The following UHMK1 variants were observed in gnomAD, a reference collection of about 807,000 sequenced individuals.
The protein encoded by UHMK1 is serine/threonine-protein kinase Kist.
In UHMK1, 18 loss-of-function variants were observed where a neutral mutation model predicts 44.0. The observed-to-expected ratio is 0.41, with a 90% CI of 0.28 to 0.61. The LOEUF is 0.61. UHMK1 is among the 20% of genes least tolerant of loss of function. The pLI is 0.31. For missense variants in UHMK1, 463 were observed against 522.5 expected (o/e 0.89, Z 1.11); for synonymous variants, 231 against 198.5 (o/e 1.16, Z -1.38).
intron 6 of UHMK1, among the ~76,000 whole-genome samples, chr1:162,514,991 C>G (rs1049176966): frequency 1.4e-4 from 21 of 152,006 alleles, no homozygotes; most frequent in African/African-American, 5.1e-4. Flanking sequence ...TAATTTTTTC[C>G]TATTATTTTA....
At chr1:162,519,997 C>G (rs357040) in intron 7 of UHMK1, among the ~76,000 whole-genome samples, 3,439 of 152,270 alleles carry the variant, frequency 0.023, 130 homozygotes, top group African/African-American at 0.077. Flanking sequence ...CTTCCAGGCT[C>G]AAGTGATCCT....
rs1366900252 is a variant in UHMK1 at position 162,501,096 on chromosome 1, G to A, written c.745G>A (p.Glu249Lys). Residue 249 changes from glutamate to lysine, a missense_variant, in exon 3 of 8, where the codon GAA becomes AAA. Physicochemically the swap from Glu to Lys is moderately conservative, Grantham distance 56 (BLOSUM62 1). Coordinates refer to ENST00000489294, the MANE Select transcript of UHMK1 (RefSeq NM_175866.5). ...ACTGAAACATACAGTCAGATCTCAG[G>A]AATGGAAGGTAAACTTCACCAGTGC... ...MKLKHTVRSQ[E>K]WKANSSAIID... 3 of 1,613,652 alleles carry A rather than the reference G, an allele frequency of 1.9e-6. No homozygotes were observed. In the Admixed American group the frequency reaches 5.0e-5, roughly 27 times the overall value.
At chr1:162,497,598 G>A (rs762852672), upstream of UHMK1, among the ~76,000 whole-genome samples, 1 of 152,120 alleles carries the variant, frequency 6.6e-6, no homozygotes, top group Non-Finnish European at 1.5e-5. Context: ...GAGGTAAGGT[G>A]AGGTGCCTCA....
intron 7 of UHMK1, among the ~76,000 whole-genome samples, chr1:162,522,128 C>T (rs948453458): frequency 3.9e-5 from 6 of 152,196 alleles, no homozygotes; most frequent in Admixed American, 2.6e-4. Flanking sequence ...ACATGATTCA[C>T]ACAACTTGTC....
At chr1:162,518,658 G>A (rs1651928894) in intron 7 of UHMK1, among the ~76,000 whole-genome samples, 1 of 150,860 alleles carries the variant, frequency 6.6e-6, no homozygotes, top group African/African-American at 2.4e-5. Context: ...CTCCAGCCTG[G>A]GCCAGGAGAA....
intron 6 of UHMK1, among the ~76,000 whole-genome samples, chr1:162,513,261 T>C (rs1000325456): frequency 6.6e-6 from 1 of 152,212 alleles, no homozygotes; most frequent in African/African-American, 2.4e-5. Flanking sequence ...TAATTCATAA[T>C]GTCCTTTTGA....
rs774473658 is a variant in UHMK1 at position 162,522,417 on chromosome 1, A to G, written c.1127A>G (p.Tyr376Cys). The change falls in exon 8 of 8, where the codon TAT becomes TGT. Residue 376 changes from tyrosine (Y) to cysteine (C), a missense_variant. Tyr to Cys is a radical substitution (Grantham distance 194). Coordinates refer to ENST00000489294, the MANE Select transcript of UHMK1 (RefSeq NM_175866.5). ...GTCTTCTTTCAGGTCTTTGTTGAGT[A>G]TGCAAATGCTGGTGATTCCAAAGCT... Reference protein sequence around the residue: ...NPGRGQVFVEYANAGDSKAAQ... With the variant: ...NPGRGQVFVECANAGDSKAAQ... The G allele has an allele frequency of 6.2e-7, 1 of 1,614,144 alleles. No individual in the cohort carries two copies. Among genetic ancestry groups the G allele is most frequent in the South Asian group, 1.1e-5 (1 of 91,062 alleles).
At position 162,498,019 on chromosome 1, in the gene UHMK1, G is replaced by C. The variant is rs773173336; in HGVS notation, c.19G>C (p.Ala7Pro). The C allele has an allele frequency of 6.3e-7, 1 of 1,593,506 alleles. No individual in the cohort carries two copies. Among genetic ancestry groups the C allele is most frequent in the Admixed American group, 1.7e-5 (1 of 58,776 alleles). ...CACACCGATGGCGGGATCCGGCTGC[G>C]CCTGGGGCGCGGAGCCGCCGCGTTT... MAGSGC[A>P]WGAEPPRFLE... The change falls in exon 1 of 8, where the codon GCC becomes CCC. Residue 7 changes from alanine (A) to proline (P), a missense_variant. Transcript: ENST00000489294.
At chr1:162,512,914 T>C (rs1051686348) in intron 6 of UHMK1, 91 bp downstream of exon 6, 2 of 1,245,650 alleles carry the variant, frequency 1.6e-6, no homozygotes, top group African/African-American at 3.0e-5. Context: ...TCTCAATTTA[T>C]CTAATGAGAA....
intron 7 of UHMK1, among the ~76,000 whole-genome samples, chr1:162,521,371 T>C (rs1253330134): frequency 6.6e-6 from 1 of 152,134 alleles, no homozygotes; most frequent in Non-Finnish European, 1.5e-5. Context: ...TGTCTACTCA[T>C]TTATCGAACT....
rs951225866 is a variant in UHMK1, at chr1:162,526,059, T to C, written c.*3509T>C. The stretch of plus-strand genomic sequence containing the variant: ...GGGCAGAAGGCTTTTTTCTGTCTTA[T>C]TACACTGGACCTTCACTCTGGTAAG... On this transcript the variant is annotated 3_prime_UTR_variant, in exon 8 of 8. Transcript: ENST00000489294. The C allele has an allele frequency of 3.3e-5, 5 of 152,176 alleles. No homozygotes were observed. The highest frequency in any genetic ancestry group is 1.2e-4 in the African/African-American group (5 of 41,450). The allele number at this position is 152,176 out of a possible 1,614,324, so 9.4% of individuals were successfully genotyped here.
Position 162,522,978 on chromosome 1 carries a change from C to T in UHMK1, c.*428C>T, listed in dbSNP as rs1432086407. The T allele has an allele frequency of 1.2e-5, 2 of 160,706 alleles. No individual in the cohort carries two copies. The highest frequency in any genetic ancestry group is 4.8e-5 in the African/African-American group (2 of 41,478). The allele number at this position is 160,706 out of a possible 1,614,324, so 10.0% of individuals were successfully genotyped here. A position where few individuals can be genotyped will look rare whatever the true frequency, so the allele number is the denominator to read the frequency against. On this transcript the variant is annotated 3_prime_UTR_variant, in exon 8 of 8. Transcript: ENST00000489294. ...GTGGTTCTTCCTTATTGTTGATATC[C>T]ATAAGCTGGCACTGGATGCTCTCAG...
rs983927683 is a variant in UHMK1 at position 162,523,484 on chromosome 1, A to G, written c.*934A>G. The G allele has an allele frequency of 6.6e-6, 1 of 152,638 alleles. No homozygotes were observed. The highest frequency in any genetic ancestry group is 2.4e-5 in the African/African-American group (1 of 41,448). The allele number at this position is 152,638 out of a possible 1,614,324, so 9.5% of individuals were successfully genotyped here. On this transcript the variant is annotated 3_prime_UTR_variant, in exon 8 of 8. Transcript: ENST00000489294. ...CAAAGACTAAGTTGTGCCAGATGTA[A>G]ATCAACCCCTCTTTTAGTTTACTTT...
intron 7 of UHMK1, among the ~76,000 whole-genome samples, 189 bp from the exon 8 acceptor site, chr1:162,522,215 G>C (rs1652083892): frequency 6.6e-6 from 1 of 152,156 alleles, no homozygotes; most frequent in Non-Finnish European, 1.5e-5. Flanking sequence ...ATAGTTCATA[G>C]ACCAGCAGCA....
intron 4 of UHMK1, among the ~76,000 whole-genome samples, chr1:162,508,591 A>G (rs1482126579): frequency 6.6e-6 from 1 of 151,644 alleles, no homozygotes; most frequent in Non-Finnish European, 1.5e-5. Context: ...AATCCCAGGT[A>G]CTCTGGAGGC....
rs1029586167 is a variant in UHMK1, at chr1:162,525,495, G to A, written c.*2945G>A. 6.6e-6 allele frequency: 1 copy of A among 152,164 alleles called. No homozygotes were observed. Among genetic ancestry groups the A allele is most frequent in the African/African-American group, 2.4e-5 (1 of 41,430 alleles). The allele number at this position is 152,164 out of a possible 1,614,324, so 9.4% of individuals were successfully genotyped here. On this transcript the variant is annotated 3_prime_UTR_variant, in exon 8 of 8. Coordinates refer to ENST00000489294, the MANE Select transcript of UHMK1 (RefSeq NM_175866.5). The stretch of plus-strand genomic sequence containing the variant: ...AAAAGGCACATACAGTGATTATTTT[G>A]TGGGAAATACTTGATTCTTTTGAAA...
chr1:162,520,803 T>C (rs10919554), intron 7 of UHMK1, among the ~76,000 whole-genome samples: 69,342 of 151,888 alleles, frequency 0.46, 15,880 homozygotes, highest in East Asian at 0.47. Context: ...GCTTTTATTC[T>C]GAACTAGGGC....
rs1651458759 is a variant in UHMK1 at position 162,506,146 on chromosome 1, T to C, written c.848+2298T>C. Among the ~76,000 whole-genome samples the C allele has an allele frequency of 8.5e-5, 13 of 152,196 alleles. No homozygotes were observed. In the South Asian group the frequency reaches 2.7e-3, roughly 32 times the overall value. Reference sequence around the variant, plus strand: ...GAGATGGGAATGAAAAATTATAAAATGGATTCTAGCCTGGAAGTTAAATTT... The same window carrying C: ...GAGATGGGAATGAAAAATTATAAAACGGATTCTAGCCTGGAAGTTAAATTT... On this transcript the variant is annotated intron_variant, in intron 4 of 7. Coordinates refer to ENST00000489294, the MANE Select transcript of UHMK1 (RefSeq NM_175866.5).
intron 7 of UHMK1, among the ~76,000 whole-genome samples, chr1:162,521,714 C>T (rs561935676): frequency 3.5e-4 from 53 of 152,196 alleles, no homozygotes; most frequent in Non-Finnish European, 6.8e-4. Flanking sequence ...CTGCAACCTT[C>T]GCCTCCCGGG....
Sources: allele counts gnomAD v4.1 joint callset (sites outside exome capture counted in the v4.1 genomes callset), GRCh38; gene constraint gnomAD v4.1.1; transcripts MANE v1.5; gene names NCBI Gene and HGNC (gene_info 2026-07-23, HGNC 2026-07-21).